ELAPOR1: variants seen among roughly 807,000 people sequenced by gnomAD.
ELAPOR1 encodes the protein endosome/lysosome-associated apoptosis and autophagy regulator 1.
A neutral mutation model predicts 119.7 loss-of-function variants in ELAPOR1; 77 were observed. The observed-to-expected ratio is 0.64, with a 90% CI of 0.54 to 0.78. The LOEUF is 0.78. Ranked by LOEUF, ELAPOR1 falls within the 30% of genes least tolerant of loss-of-function variation. The pLI, the probability that ELAPOR1 is intolerant of heterozygous loss-of-function variation, is 0.00. For missense variants in ELAPOR1, 1,115 were observed against 1,270.4 expected, an observed-to-expected ratio of 0.88 and a Z score of 1.86; for synonymous variants, 481 against 487.2, an observed-to-expected ratio of 0.99 and a Z score of 0.17.
intron 1 of ELAPOR1, among the ~76,000 whole-genome samples, chr1:109,129,264 C>T (rs895022293): frequency 6.6e-6 from 1 of 152,158 alleles, no homozygotes; most frequent in African/African-American, 2.4e-5. Context: ...AATCCCAGCA[C>T]TTTGGGAGGC....
chr1:109,187,974 T>C, intron 8 of ELAPOR1: 1 of 1,321,548 alleles, frequency 7.6e-7, no homozygotes, highest in Non-Finnish European at 9.7e-7. Context: ...ATTTGGCAGA[T>C]AGTGATTGAA....
chr1:109,191,445 G>C lies in ELAPOR1; in HGVS notation c.1519G>C (p.Val507Leu), dbSNP rs1653428997. The C allele has an allele frequency of 3.7e-6, 6 of 1,613,832 alleles. No homozygotes were observed. Among genetic ancestry groups the C allele is most frequent in the Non-Finnish European group, 5.1e-6 (6 of 1,179,842 alleles). The change falls in exon 12 of 22, where the codon GTG (valine) becomes CTG (leucine). Residue 507 changes from valine (V) to leucine (L), a missense_variant. Val to Leu is a conservative substitution (Grantham distance 32). Coordinates refer to ENST00000369939, the MANE Select transcript of ELAPOR1 (RefSeq NM_020775.5). ...ATTTGTCTTTGAGACCCTCTGTTCTGTGAACTGTGAGCTCTACTTCATGGT... is the reference window on the plus strand; with the variant it reads ...ATTTGTCTTTGAGACCCTCTGTTCTCTGAACTGTGAGCTCTACTTCATGGT... ...ITFVFETLCS[V>L]NCELYFMVGV...
At chr1:109,190,142 A>G (rs531364055) in intron 11 of ELAPOR1, among the ~76,000 whole-genome samples, 106 of 151,666 alleles carry the variant, frequency 7.0e-4, no homozygotes, top group Non-Finnish European at 1.3e-3. Context: ...ACAAACACGC[A>G]CACACACACA....
intron 1 of ELAPOR1, among the ~76,000 whole-genome samples, chr1:109,117,986 G>T (rs577747646): frequency 9.2e-5 from 14 of 152,220 alleles, no homozygotes; most frequent in African/African-American, 3.4e-4. Context: ...AATTAGCCAG[G>T]TGTGGTGGTG....
chr1:109,177,319 A>C (rs1652389913), intron 7 of ELAPOR1, among the ~76,000 whole-genome samples: 1 of 133,370 alleles, frequency 7.5e-6, no homozygotes, highest in Non-Finnish European at 1.5e-5. Flanking sequence ...TGCTGGGCGG[A>C]GGGGCTCCTC....
At chr1:109,144,772 T>C (rs922989213) in intron 1 of ELAPOR1, among the ~76,000 whole-genome samples, 1 of 152,102 alleles carries the variant, frequency 6.6e-6, no homozygotes, top group African/African-American at 2.4e-5. Context: ...AATTCTAGGA[T>C]TGGCCTTTTC....
chr1:109,118,480 G>A (rs180714800), intron 1 of ELAPOR1, among the ~76,000 whole-genome samples: 2 of 152,334 alleles, frequency 1.3e-5, no homozygotes, highest in Admixed American at 1.3e-4. Context: ...TGGGCCAACA[G>A]ATGAGAGCAG....
intron 11 of ELAPOR1, among the ~76,000 whole-genome samples, chr1:109,190,061 T>A (rs1653335578): frequency 6.6e-6 from 1 of 152,206 alleles, no homozygotes; most frequent in Non-Finnish European, 1.5e-5. Context: ...AGGATTATTC[T>A]TACTGTATTT....
intron 7 of ELAPOR1, among the ~76,000 whole-genome samples, chr1:109,184,544 A>G (rs1652932187): frequency 1.3e-5 from 2 of 152,318 alleles, no homozygotes; most frequent in East Asian, 1.9e-4. Context: ...ATATATTAGA[A>G]CATTCATAGA....
chr1:109,133,508 C>T (rs1185387798), intron 1 of ELAPOR1, among the ~76,000 whole-genome samples: 2 of 152,136 alleles, frequency 1.3e-5, no homozygotes, highest in Non-Finnish European at 2.9e-5. Flanking sequence ...GAAGACATTG[C>T]AGAGAGATTC....
At chr1:109,178,686 C>T (rs377216972) in intron 7 of ELAPOR1, among the ~76,000 whole-genome samples, 187 of 152,074 alleles carry the variant, frequency 1.2e-3, no homozygotes, top group African/African-American at 4.2e-3. Context: ...GGAGGTGGGC[C>T]GGGTGTGGCG....
intron 3 of ELAPOR1, among the ~76,000 whole-genome samples, chr1:109,168,862 G>A (rs1039481085): frequency 1.3e-5 from 2 of 152,090 alleles, no homozygotes; most frequent in Non-Finnish European, 1.5e-5. Context: ...AATTTAGAGC[G>A]ATGCCTGACA....
intron 1 of ELAPOR1, among the ~76,000 whole-genome samples, chr1:109,127,439 C>T (rs546215495): frequency 2.6e-5 from 4 of 152,122 alleles, no homozygotes; most frequent in African/African-American, 7.2e-5. Flanking sequence ...TGGTCTTGAT[C>T]GCCTGACCTT....
chr1:109,186,435 G>C, intron 8 of ELAPOR1: 1 of 935,442 alleles, frequency 1.1e-6, no homozygotes, highest in South Asian at 5.0e-5. Flanking sequence ...ACATTTGCTG[G>C]CTGGGCGGCT....
chr1:109,172,574 T>C lies in ELAPOR1; in HGVS notation c.696+6T>C. 1 of 1,604,454 alleles carries C rather than the reference T, an allele frequency of 6.2e-7. No homozygotes were observed. The highest frequency in any genetic ancestry group is 8.5e-7 in the Non-Finnish European group (1 of 1,171,624). On this transcript the variant is annotated splice_donor_region_variant and intron_variant, in intron 5 of 21. Transcript: ENST00000369939. ...AAGGATGGGAATTCCACAGTGTGAG[T>C]ATCACACCAGCCTTCTCCCAGAGAT...
At chr1:109,168,838 T>C (rs1012556395) in intron 3 of ELAPOR1, among the ~76,000 whole-genome samples, 1 of 152,150 alleles carries the variant, frequency 6.6e-6, no homozygotes, top group African/African-American at 2.4e-5. Flanking sequence ...ATTGATGAGA[T>C]GATACTTGTA....
chr1:109,202,876 ATT>A (rs758704046), intron 21 of ELAPOR1, 66 bp from the exon 22 acceptor site: 44 of 1,477,474 alleles, frequency 3.0e-5, no homozygotes, highest in Non-Finnish European at 3.9e-5. Context: ...CCTATTTTCC[ATT>A]TCTCTCCTTT....
intron 13 of ELAPOR1, 43 bp from the exon 14 acceptor site, chr1:109,192,568 T>C: frequency 6.2e-7 from 1 of 1,603,464 alleles, no homozygotes; most frequent in Non-Finnish European, 8.5e-7. Flanking sequence ...GTTGCTGCTG[T>C]CTCAGGCCTC....
chr1:109,148,339 A>G (rs1209221002), intron 1 of ELAPOR1, among the ~76,000 whole-genome samples: 1 of 147,642 alleles, frequency 6.8e-6, no homozygotes, highest in Non-Finnish European at 1.5e-5. Context: ...GGGTTTCACC[A>G]TGTTGGCCAG....
Sources: gnomAD v4.1 joint callset for allele counts (sites outside exome capture counted in the v4.1 genomes callset) on GRCh38, gnomAD v4.1.1 for gene constraint, MANE v1.5 for transcripts, NCBI Gene and HGNC (gene_info 2026-07-23, HGNC 2026-07-21) for gene names.